CTNND2: variants seen among roughly 807,000 people sequenced by gnomAD.
CTNND2 encodes catenin delta-2.
A neutral mutation model predicts 144.4 loss-of-function variants in CTNND2; 22 were observed. The ratio of observed to expected loss-of-function variants is 0.15; its 90% confidence interval spans 0.11 to 0.22. The LOEUF (loss-of-function observed/expected upper bound fraction) is 0.22. CTNND2 is among the 10% of genes least tolerant of loss of function. The pLI, the probability that CTNND2 is intolerant of heterozygous loss-of-function variation, is 1.00. For synonymous variants in CTNND2, 751 were observed against 695.6 expected, an observed-to-expected ratio of 1.08 and a Z score of -1.25; for missense variants, 1,353 against 1,618.8, an observed-to-expected ratio of 0.84 and a Z score of 2.82.
rs1021567778 is a variant in CTNND2, at chr5:11,125,312, C to T, written c.2160-7745G>A. ...CATCCCCTTCATTCTTCCACGAGGGCTCATCCCTTTGATTTGTAGCTTCTT... is the reference window on the plus strand; with the variant it reads ...CATCCCCTTCATTCTTCCACGAGGGTTCATCCCTTTGATTTGTAGCTTCTT... On this transcript the variant is annotated intron_variant, in intron 12 of 21. Transcript: ENST00000304623. 3.9e-5 allele frequency among the ~76,000 whole-genome samples: 6 copies of T among 152,318 alleles called. No homozygotes were observed. The South Asian group carries it at 1.2e-3, about 32-fold the overall frequency.
At chr5:11,721,382 T>TC (rs575761053) in intron 2 of CTNND2, among the ~76,000 whole-genome samples, 32 of 152,138 alleles carry the variant, frequency 2.1e-4, no homozygotes, top group African/African-American at 7.5e-4. Flanking sequence ...CTGTTTTTTT[T>TC]TAAATTCACC....
rs141499828 is a variant in CTNND2 at position 11,427,971 on chromosome 5, C to G, written c.288-15902G>C. 2.6e-3 allele frequency among the ~76,000 whole-genome samples: 393 copies of G among 152,262 alleles called. 2 individuals carry two copies. The highest frequency in any genetic ancestry group is 8.0e-3 in the African/African-American group (333 of 41,536). ...GAATCATGGGGGGAGGCGAAAGGCA[C>G]TTCTTACATGGTGACAGCAAGAGCA... is the stretch of plus-strand genomic sequence containing the variant. On this transcript the variant is annotated intron_variant, in intron 3 of 21. Transcript: ENST00000304623.
At chr5:11,808,786 C>A (rs1792149802) in intron 1 of CTNND2, among the ~76,000 whole-genome samples, 1 of 152,086 alleles carries the variant, frequency 6.6e-6, no homozygotes, top group Admixed American at 6.6e-5. Context: ...GTTCAGGACC[C>A]TACTATTTTC....
At chr5:11,458,843 T>C (rs1202749775) in intron 3 of CTNND2, among the ~76,000 whole-genome samples, 1 of 152,112 alleles carries the variant, frequency 6.6e-6, no homozygotes, top group Non-Finnish European at 1.5e-5. Flanking sequence ...CTGGAGTCCC[T>C]GGGTTGAAGC....
At chr5:11,102,960 T>C (rs932694377) in intron 14 of CTNND2, among the ~76,000 whole-genome samples, 2 of 149,448 alleles carry the variant, frequency 1.3e-5, no homozygotes, top group African/African-American at 4.9e-5. Context: ...GCTTAAATTC[T>C]ATTTAAAAGA....
intron 7 of CTNND2, among the ~76,000 whole-genome samples, chr5:11,377,327 T>C (rs1253562895): frequency 1.3e-5 from 2 of 152,194 alleles, no homozygotes; most frequent in Non-Finnish European, 2.9e-5. Flanking sequence ...AGTGCTGGGA[T>C]TACAGGTGTG....
chr5:11,520,218 C>T (rs1475266890), intron 3 of CTNND2, among the ~76,000 whole-genome samples: 3 of 151,772 alleles, frequency 2.0e-5, no homozygotes, highest in African/African-American at 7.3e-5. Flanking sequence ...ATCTCTTTTG[C>T]AGTAAGGCTT....
intron 9 of CTNND2, among the ~76,000 whole-genome samples, chr5:11,289,991 C>T (rs897937877): frequency 3.3e-5 from 5 of 152,136 alleles, no homozygotes; most frequent in Non-Finnish European, 5.9e-5. Flanking sequence ...ACCAGGATCA[C>T]GCAGCATCAG....
chr5:11,722,729 C>G (rs1359900477), intron 2 of CTNND2, among the ~76,000 whole-genome samples: 2 of 152,158 alleles, frequency 1.3e-5, no homozygotes, highest in African/African-American at 2.4e-5. Context: ...ACTATCACAA[C>G]AACAGCAGGA....
At chr5:11,540,637 G>C (rs1018172755) in intron 3 of CTNND2, among the ~76,000 whole-genome samples, 1 of 152,154 alleles carries the variant, frequency 6.6e-6, no homozygotes, top group Non-Finnish European at 1.5e-5. Flanking sequence ...AGCCTCCTGA[G>C]TAGCTGGGAC....
At position 11,334,476 on chromosome 5, in the gene CTNND2, T is replaced by A. The variant is rs180947396; in HGVS notation, c.1628+11896A>T. On this transcript the variant is annotated intron_variant, in intron 9 of 21. Coordinates refer to ENST00000304623, the MANE Select transcript of CTNND2 (RefSeq NM_001332.4). ...TTTTCATAAGGCCTCTTTTATTCAG[T>A]TGAAAAGACTACATCCCAGGCTGAT... Among the ~76,000 whole-genome samples, 172 of 152,314 alleles carry A rather than the reference T, an allele frequency of 1.1e-3. 2 individuals carry two copies. The highest frequency in any genetic ancestry group is 0.011 in the Admixed American group (170 of 15,288).
intron 8 of CTNND2, among the ~76,000 whole-genome samples, chr5:11,352,679 A>G (rs941278020): frequency 6.6e-6 from 1 of 152,146 alleles, no homozygotes; most frequent in African/African-American, 2.4e-5. Context: ...GAGCAGATAG[A>G]TTTCTATGTA....
At chr5:11,613,002 C>T (rs773417009) in intron 2 of CTNND2, among the ~76,000 whole-genome samples, 3 of 152,124 alleles carry the variant, frequency 2.0e-5, no homozygotes, top group African/African-American at 7.2e-5. Flanking sequence ...TTAATAGAGT[C>T]GCAGAATTTG....
intron 2 of CTNND2, among the ~76,000 whole-genome samples, chr5:11,683,573 AC>A (rs1171778173): frequency 4.6e-5 from 7 of 152,266 alleles, no homozygotes; most frequent in African/African-American, 1.7e-4. Context: ...CTTTGCACTT[AC>A]ATGGTACTTT....
At chr5:11,131,989 T>G (rs1755664787) in intron 12 of CTNND2, among the ~76,000 whole-genome samples, 1 of 152,258 alleles carries the variant, frequency 6.6e-6, no homozygotes, top group African/African-American at 2.4e-5. Flanking sequence ...GGTCTATTTC[T>G]TGTTTTTGTG....
At chr5:11,766,451 T>C (rs895221217) in intron 1 of CTNND2, among the ~76,000 whole-genome samples, 3 of 152,188 alleles carry the variant, frequency 2.0e-5, no homozygotes, top group Admixed American at 6.6e-5. Flanking sequence ...CAAGATCTGA[T>C]GGTTTTAAAA....
chr5:11,569,502 T>G (rs1196223774), intron 2 of CTNND2, among the ~76,000 whole-genome samples: 1 of 152,200 alleles, frequency 6.6e-6, no homozygotes, highest in East Asian at 1.9e-4. Flanking sequence ...TTATTTGGTT[T>G]AATTAAATGG....
intron 9 of CTNND2, among the ~76,000 whole-genome samples, chr5:11,278,409 T>A (rs1280728104): frequency 6.6e-6 from 1 of 152,182 alleles, no homozygotes; most frequent in African/African-American, 2.4e-5. Context: ...AGAACAATTT[T>A]GTCCTCCACA....
chr5:11,712,080 AGAAC>A (rs1786064862), intron 2 of CTNND2, among the ~76,000 whole-genome samples: 1 of 152,196 alleles, frequency 6.6e-6, no homozygotes, highest in African/African-American at 2.4e-5. Flanking sequence ...CTGTGGAGTG[AGAAC>A]TAAATGTCCC....
Sources: gnomAD v4.1 joint callset for allele counts (sites outside exome capture counted in the v4.1 genomes callset) on GRCh38, gnomAD v4.1.1 for gene constraint, MANE v1.5 for transcripts, NCBI Gene and HGNC (gene_info 2026-07-23, HGNC 2026-07-21) for gene names.